ATP13A1: variants seen among roughly 807,000 people sequenced by gnomAD.
The protein encoded by ATP13A1 is ATPase 13A1.
ATP13A1 carries 55 observed loss-of-function variants against 134.8 expected under a neutral mutation model. The observed-to-expected ratio is 0.41, with a 90% CI of 0.33 to 0.51. The LOEUF (loss-of-function observed/expected upper bound fraction) is 0.51. Ranked by LOEUF, ATP13A1 falls within the 20% of genes least tolerant of loss-of-function variation. The pLI is 0.29. For synonymous variants in ATP13A1, 775 were observed against 725.1 expected, an observed-to-expected ratio of 1.07 and a Z score of -1.10; for missense variants, 1,389 against 1,652.8, an observed-to-expected ratio of 0.84 and a Z score of 2.77.
Position 19,656,949 on chromosome 19 carries a change from G to A in ATP13A1, c.907-33C>T, listed in dbSNP as rs781303537. ...GGGCATGGGTGTCAGCACAGAAGCC[G>A]CACCTGTGCTGCACCCCCAACCTGG... On this transcript the variant is annotated intron_variant, in intron 5 of 25. Transcript: ENST00000357324. This position sits in a 1 kb window ranked among gnomAD's most constrained non-coding sequence, Gnocchi z 4.6. The A allele has an allele frequency of 7.0e-5, 112 of 1,604,514 alleles. No individual in the cohort carries two copies. The highest frequency in any genetic ancestry group is 6.0e-5 in the Non-Finnish European group (71 of 1,176,058).
intron 22 of ATP13A1, chr19:19,646,623 G>GGAGCCCAC (rs1448460333): frequency 1.9e-6 from 1 of 520,054 alleles, no homozygotes; most frequent in Non-Finnish European, 3.5e-6. Flanking sequence ...TGCCCTCCCT[G>GGAGCCCAC]GAGCCCACGG....
Position 19,645,685 on chromosome 19 carries a change from A to G in ATP13A1, c.3466T>C (p.Phe1156Leu), listed in dbSNP as rs1283083968. ...TCCACGAGGCCAAACTGGCTGTTGA[A>G]GTCGGGCGAGGAGCCGAGGAGCAGG... The part of the protein sequence containing the change: ...IGLLLGSSPD[F>L]NSQFGLVDIP... The change falls in exon 25 of 26, where the codon TTC becomes CTC. Residue 1156 changes from phenylalanine to leucine, a missense_variant. Transcript: ENST00000357324. This position sits in a 1 kb window ranked among gnomAD's most constrained non-coding sequence, Gnocchi z 4.1. The G allele has an allele frequency of 6.3e-7, 1 of 1,576,168 alleles. No individual in the cohort carries two copies. The highest frequency in any genetic ancestry group is 8.6e-7 in the Non-Finnish European group (1 of 1,161,308).
In ATP13A1 at chr19:19,647,387, GA is replaced by G; in HGVS notation, c.2908+26del. The G allele has an allele frequency of 6.2e-7, 1 of 1,605,756 alleles. No individual in the cohort carries two copies. The highest frequency in any genetic ancestry group is 8.5e-7 in the Non-Finnish European group (1 of 1,174,604). ...AGGGGTGCCAAGGGGGGAATGAAGGGAGGGGGAGCGGGGGCAGGCAACTCAC... is the reference window on the plus strand; with the variant it reads ...AGGGGTGCCAAGGGGGGAATGAAGGGGGGGGAGCGGGGGCAGGCAACTCAC... On this transcript the variant is annotated intron_variant, in intron 21 of 25. Transcript: ENST00000357324. This position sits in a 1 kb window ranked among gnomAD's most constrained non-coding sequence, Gnocchi z 4.8.
intron 17 of ATP13A1, 50 bp downstream of exon 17, chr19:19,651,639 C>T (rs766767274): frequency 6.7e-7 from 1 of 1,486,420 alleles, no homozygotes; most frequent in Admixed American, 1.9e-5. Context: ...GGGAGCTGTT[C>T]TTGGACTCAG....
In ATP13A1 at chr19:19,645,652, C is replaced by G. The variant is rs779478989; in HGVS notation, c.3499G>C (p.Val1167Leu). ...NSQFGLVDIP[V>L]EFKLVIAQVL... The stretch of plus-strand genomic sequence containing the variant: ...ACCTCCACAGGGCCACTGACCTCCA[C>G]AGGGATGTCCACGAGGCCAAACTGG... The change falls in exon 25 of 26, where the codon GTG becomes CTG. Residue 1167 changes from valine to leucine, a missense_variant. Val to Leu is a conservative substitution (Grantham distance 32, BLOSUM62 1). Transcript: ENST00000357324. This position sits in a 1 kb window ranked among gnomAD's most constrained non-coding sequence, Gnocchi z 4.1. The G allele has an allele frequency of 1.1e-5, 17 of 1,569,326 alleles. No homozygotes were observed. The South Asian group carries it at 2.0e-4, about 18-fold the overall frequency.
At chr19:19,648,625 A>G (rs1046100411) in intron 19 of ATP13A1, among the ~76,000 whole-genome samples, 2 of 151,828 alleles carry the variant, frequency 1.3e-5, no homozygotes, top group African/African-American at 2.4e-5. Flanking sequence ...CCTGGCCAAC[A>G]TGGTGAAACC....
Position 19,655,818 on chromosome 19 carries a change from G to T in ATP13A1, c.1269+60C>A. On this transcript the variant is annotated intron_variant, in intron 9 of 25. Transcript: ENST00000357324. This position sits in a 1 kb window ranked among gnomAD's most constrained non-coding sequence, Gnocchi z 5.7. The stretch of plus-strand genomic sequence containing the variant: ...GGCAGATGTTCTGGGGTCGGAAAGG[G>T]CTGATACCTTGGCTGTCCAACTGCC... 1 of 1,542,720 alleles carries T rather than the reference G, an allele frequency of 6.5e-7. No individual in the cohort carries two copies. The highest frequency in any genetic ancestry group is 2.4e-5 in the East Asian group (1 of 41,346).
intron 2 of ATP13A1, 39 bp from the exon 3 acceptor site, chr19:19,659,830 C>G (rs769942540): frequency 6.2e-7 from 1 of 1,604,508 alleles, no homozygotes; most frequent in East Asian, 2.2e-5. Flanking sequence ...GGCCCCTGAC[C>G]TTGGGGTGTC....
In ATP13A1 at chr19:19,663,305, G is replaced by T; in HGVS notation, c.362C>A (p.Ser121Tyr). The T allele has an allele frequency of 6.3e-7, 1 of 1,590,154 alleles. No homozygotes were observed. Among genetic ancestry groups the T allele is most frequent in the East Asian group, 2.3e-5 (1 of 43,288 alleles). The change falls in exon 1 of 26, where the codon TCT becomes TAT. Residue 121 changes from serine (S) to tyrosine (Y), a missense_variant. Coordinates refer to ENST00000357324, the MANE Select transcript of ATP13A1 (RefSeq NM_020410.3). ...HALTVLSGHW[S>Y]VHAHCALTCT... is the part of the protein sequence containing the mutation. ...GGTGAGCGCGCAATGCGCGTGCACA[G>T]ACCAATGCCCCGAGAGGACAGTGAG...
In ATP13A1 at chr19:19,663,586, C is replaced by A. The variant is rs1234688684; in HGVS notation, c.81G>T (p.Lys27Asn). ...PCGVRPDGQPKPGPQPRALLA... is the reference protein window; with the variant it reads ...PCGVRPDGQPNPGPQPRALLA... ...GGAGCGCGCGCGGCTGCGGCCCGGG[C>A]TTGGGCTGCCCGTCAGGCCGGACCC... Residue 27 changes from lysine (K) to asparagine (N), a missense_variant, in exon 1 of 26, where the codon AAG becomes AAT. Transcript: ENST00000357324. 9.5e-6 allele frequency: 14 copies of A among 1,467,486 alleles called. No individual in the cohort carries two copies. In the Admixed American group the frequency reaches 2.2e-4, roughly 23 times the overall value. The allele number at this position is 1,467,486 out of a possible 1,614,324, so 90.9% of individuals were successfully genotyped here.
intron 3 of ATP13A1, among the ~76,000 whole-genome samples, chr19:19,657,725 T>C (rs2062068682): frequency 6.6e-6 from 1 of 152,230 alleles, no homozygotes; most frequent in Non-Finnish European, 1.5e-5. Flanking sequence ...GCCCGTCATC[T>C]GGTCGAGTGA....
rs1382581972 is a variant in ATP13A1, at chr19:19,663,578, G to C, written c.89C>G (p.Pro30Arg). The change falls in exon 1 of 26, where the codon CCG becomes CGG. Residue 30 changes from proline to arginine, a missense_variant. By Grantham distance (103) the Pro-to-Arg change is moderately radical (BLOSUM62 -2). This residue lies in a region of ATP13A1 where 293 missense variants were observed against 270.8 expected (regional missense o/e 1.08). Transcript: ENST00000357324. ...VRPDGQPKPGPQPRALLAAGP... is the reference protein window; with the variant it reads ...VRPDGQPKPGRQPRALLAAGP... ...GGCGGCAAGGAGCGCGCGCGGCTGC[G>C]GCCCGGGCTTGGGCTGCCCGTCAGG... is the stretch of plus-strand genomic sequence containing the variant. 4.7e-6 allele frequency: 7 copies of C among 1,495,160 alleles called. No homozygotes were observed. The highest frequency in any genetic ancestry group is 6.2e-6 in the Non-Finnish European group (7 of 1,131,334). 92.6% of individuals were successfully genotyped at this position (1,495,160 alleles called of 1,614,324 possible).
In ATP13A1 at chr19:19,647,591, G is replaced by A. The variant is rs2061994347; in HGVS notation, c.2793+8C>T. ...ATGGGGTGCAGCACCTCCCCTCTTGGGACTCACCCTCTGGGAGGTTGGCTG... is the reference window on the plus strand; with the variant it reads ...ATGGGGTGCAGCACCTCCCCTCTTGAGACTCACCCTCTGGGAGGTTGGCTG... On this transcript the variant is annotated splice_region_variant and intron_variant, in intron 20 of 25. Transcript: ENST00000357324. This position sits in a 1 kb window ranked among gnomAD's most constrained non-coding sequence, Gnocchi z 4.8. The A allele has an allele frequency of 6.2e-7, 1 of 1,613,292 alleles. No homozygotes were observed. The highest frequency in any genetic ancestry group is 1.7e-5 in the Admixed American group (1 of 59,976).
In ATP13A1 at chr19:19,654,554, G is replaced by A. The variant is rs745669466; in HGVS notation, c.1802C>T (p.Thr601Met). 17 of 1,609,086 alleles carry A rather than the reference G, an allele frequency of 1.1e-5. No individual in the cohort carries two copies. The highest frequency in any genetic ancestry group is 4.5e-5 in the East Asian group (2 of 44,840). The change falls in exon 13 of 26, where the codon ACG (threonine) becomes ATG (methionine). Residue 601 changes from threonine (T) to methionine (M), a missense_variant. Coordinates refer to ENST00000357324, the MANE Select transcript of ATP13A1 (RefSeq NM_020410.3). ...EKAMLTAVDW[T>M]LTKDEKVFPR... The stretch of plus-strand genomic sequence containing the variant: ...CCCCAGCCCCTCACCTTTGGTCAGC[G>A]TCCAGTCCACGGCCGTCAGCATGGC...
chr19:19,645,691 G>C lies in ATP13A1; in HGVS notation c.3460C>G (p.Pro1154Ala). ...AIIGLLLGSS[P>A]DFNSQFGLVD... is the part of the protein sequence containing the mutation. ...AGGCCAAACTGGCTGTTGAAGTCGG[G>C]CGAGGAGCCGAGGAGCAGGCCAATG... The change falls in exon 25 of 26, where the codon CCC (proline) becomes GCC (alanine). Residue 1154 changes from proline to alanine, a missense_variant. Transcript: ENST00000357324. The surrounding 1 kb of genome is among the most constrained non-coding windows in gnomAD (Gnocchi z 4.1). The C allele has an allele frequency of 6.3e-7, 1 of 1,578,954 alleles. No individual in the cohort carries two copies. Among genetic ancestry groups the C allele is most frequent in the Non-Finnish European group, 8.6e-7 (1 of 1,162,828 alleles).
rs566223726 is a variant in ATP13A1, at chr19:19,655,513, G to C, written c.1396+15C>G. ...GAGGGTGGGCGCAGGGGACCACAGA[G>C]GCCGTGGCGCTTACCTTCAATCCAT... On this transcript the variant is annotated intron_variant, in intron 10 of 25. Transcript: ENST00000357324. This position sits in a 1 kb window ranked among gnomAD's most constrained non-coding sequence, Gnocchi z 5.7. 10 of 1,613,912 alleles carry C rather than the reference G, an allele frequency of 6.2e-6. No homozygotes were observed. In the Admixed American group the frequency reaches 1.7e-4, roughly 27 times the overall value.
Position 19,656,289 on chromosome 19 carries a change from C to A in ATP13A1, c.1084-106G>T, listed in dbSNP as rs2062057451. The A allele has an allele frequency of 2.8e-6, 4 of 1,445,030 alleles. No individual in the cohort carries two copies. Among genetic ancestry groups the A allele is most frequent in the Admixed American group, 2.2e-5 (1 of 46,064 alleles). The allele number at this position is 1,445,030 out of a possible 1,614,324, so 89.5% of individuals were successfully genotyped here. A position where few individuals can be genotyped will look rare whatever the true frequency, so the allele number is the denominator to read the frequency against. ...TGAGGCTGGAATGAGCCAGGGGGAT[C>A]CCCACCCGACCAATACATCCCACCC... is the stretch of plus-strand genomic sequence containing the variant. On this transcript the variant is annotated intron_variant, in intron 7 of 25. Transcript: ENST00000357324. This position sits in a 1 kb window ranked among gnomAD's most constrained non-coding sequence, Gnocchi z 4.6.
At chr19:19,662,989 T>G (rs2062103815) in intron 1 of ATP13A1, 2 of 601,696 alleles carry the variant, frequency 3.3e-6, no homozygotes, top group Admixed American at 5.1e-5. Flanking sequence ...CGACGTATGC[T>G]GGGCCCTGCG....
In ATP13A1 at chr19:19,645,948, G is replaced by A. The variant is rs138000682; in HGVS notation, c.3286C>T (p.Pro1096Ser). 6.2e-7 allele frequency: 1 copy of A among 1,613,196 alleles called. No individual in the cohort carries two copies. Among genetic ancestry groups the A allele is most frequent in the Non-Finnish European group, 8.5e-7 (1 of 1,179,878 alleles). The stretch of plus-strand genomic sequence containing the variant: ...TAGACGGTGCTGTTGACCAGGCTTG[G>A]CTCAAACTCCTTGTACAAGTCCACG... The part of the protein sequence containing the change: ...QFVDLYKEFE[P>S]SLVNSTVYIM... Residue 1096 changes from proline (P) to serine (S), a missense_variant, in exon 24 of 26, where the codon CCA (proline) becomes TCA (serine). This residue lies in a region of ATP13A1 where 228 missense variants were observed against 321.0 expected (regional missense o/e 0.71). Transcript: ENST00000357324. This position sits in a 1 kb window ranked among gnomAD's most constrained non-coding sequence, Gnocchi z 4.1.
Sources: allele counts gnomAD v4.1 joint callset (sites outside exome capture counted in the v4.1 genomes callset), GRCh38; gene constraint gnomAD v4.1.1; regional missense constraint gnomAD v4.1.1; non-coding constraint Gnocchi (gnomAD v3.1); transcripts MANE v1.5; gene names NCBI Gene and HGNC (gene_info 2026-07-23, HGNC 2026-07-21).